Variants in DNAH2 observed in about 807,000 individuals in gnomAD.
DNAH2 encodes the protein dynein axonemal heavy chain 2.
A neutral mutation model predicts 523.5 loss-of-function variants in DNAH2; 323 were observed. The observed-to-expected ratio is 0.62, with a 90% CI of 0.56 to 0.68. The LOEUF (loss-of-function observed/expected upper bound fraction) is 0.68. Ranked by LOEUF, DNAH2 falls within the 30% of genes least tolerant of loss-of-function variation. The probability of loss-of-function intolerance (pLI) is 0.00; values close to 1 mark genes in which losing one functional copy is unlikely to be tolerated. For missense variants in DNAH2, 4,907 were observed against 5,701.5 expected, an observed-to-expected ratio of 0.86 and a Z score of 4.49; for synonymous variants, 2,093 against 2,177.4, an observed-to-expected ratio of 0.96 and a Z score of 1.08.
Position 7,831,165 on chromosome 17 carries a change from G to A in DNAH2, c.12310G>A (p.Gly4104Ser), listed in dbSNP as rs923267295. The A allele has an allele frequency of 8.1e-6, 13 of 1,614,024 alleles. No homozygotes were observed. Among genetic ancestry groups the A allele is most frequent in the Middle Eastern group, 1.6e-4 (1 of 6,084 alleles). ...CAAGGAATACATCAGCTTATTGCCT[G>A]GCATGGACCCCCCTGAGGCCTTTGG... ...SYKEYISLLP[G>S]MDPPEAFGQH... The change falls in exon 80 of 86, where the codon GGC becomes AGC. Residue 4104 changes from glycine to serine, a missense_variant. By Grantham distance (56) the Gly-to-Ser change is moderately conservative. Around this residue, in one of 3 missense-constraint regions of DNAH2, gnomAD observed 1,851 missense variants for 2,139.4 expected, o/e 0.87. Transcript: ENST00000572933. The surrounding 1 kb of genome is among the most constrained non-coding windows in gnomAD (Gnocchi z 4.2).
At position 7,780,454 on chromosome 17, in the gene DNAH2, G is replaced by A. The variant is rs182262808; in HGVS notation, c.5850+170G>A. ...TTTAGGGGAGGGAGGTGTCTCCTCC[G>A]TGATATCACTAACTGACAATGGCGT... On this transcript the variant is annotated intron_variant, in intron 37 of 85. Transcript: ENST00000572933. The surrounding 1 kb of genome is among the most constrained non-coding windows in gnomAD (Gnocchi z 4.4). 5.3e-5 allele frequency among the ~76,000 whole-genome samples: 8 copies of A among 152,336 alleles called. No homozygotes were observed. The highest frequency in any genetic ancestry group is 9.6e-5 in the African/African-American group (4 of 41,578).
rs1241950593 is a variant in DNAH2, at chr17:7,740,860, C to G, written c.1557C>G (p.Phe519Leu). The G allele has an allele frequency of 4.3e-6, 7 of 1,613,800 alleles. No individual in the cohort carries two copies. The highest frequency in any genetic ancestry group is 5.9e-6 in the Non-Finnish European group (7 of 1,179,838). Residue 519 changes from phenylalanine (F) to leucine (L), a missense_variant, in exon 11 of 86, where the codon TTC (phenylalanine) becomes TTG (leucine). Around this residue, in one of 3 missense-constraint regions of DNAH2, gnomAD observed 2,806 missense variants for 3,190.8 expected, o/e 0.88. Transcript: ENST00000572933. ...AGGCGGTGGATCTCTACATGCTGTT[C>G]AATAGCGAGCTGGCCCTGGTGAACC... ...DKKAVDLYML[F>L]NSELALVNRE...
At chr17:7,778,628 G>A (rs910607869) in intron 35 of DNAH2, among the ~76,000 whole-genome samples, 159 bp downstream of exon 35, 3 of 152,100 alleles carry the variant, frequency 2.0e-5, no homozygotes, top group African/African-American at 7.2e-5. Flanking sequence ...GAGTGCAGTG[G>A]CATGATCTCG....
At chr17:7,758,407 A>G (rs2075904305) in intron 13 of DNAH2, 88 bp from the exon 14 acceptor site, 1 of 1,480,030 alleles carries the variant, frequency 6.8e-7, no homozygotes, top group East Asian at 2.3e-5. Flanking sequence ...TGGTCTAGAA[A>G]TGTTCACATT....
At chr17:7,750,387 C>T (rs1341825924) in intron 12 of DNAH2, among the ~76,000 whole-genome samples, 1 of 152,196 alleles carries the variant, frequency 6.6e-6, no homozygotes, top group African/African-American at 2.4e-5. Flanking sequence ...GCAGTTACCC[C>T]GGGACTTCCC....
chr17:7,741,440 C>T (rs1456510590), intron 11 of DNAH2, among the ~76,000 whole-genome samples: 3 of 150,828 alleles, frequency 2.0e-5, no homozygotes, highest in Admixed American at 6.7e-5. Context: ...TCACTGCAAG[C>T]TCTGCCTCCC....
chr17:7,800,611 T>C (rs1243796716), intron 56 of DNAH2, among the ~76,000 whole-genome samples: 5 of 150,708 alleles, frequency 3.3e-5, no homozygotes. Context: ...TCATGCCTGT[T>C]ATCCCAGCAC....
Position 7,786,784 on chromosome 17 carries a change from G to A in DNAH2, c.6466+97G>A. 2.5e-6 allele frequency: 4 copies of A among 1,598,698 alleles called. No homozygotes were observed. The highest frequency in any genetic ancestry group is 3.4e-6 in the Non-Finnish European group (4 of 1,169,098). On this transcript the variant is annotated intron_variant, in intron 41 of 85. Transcript: ENST00000572933. The surrounding 1 kb of genome is among the most constrained non-coding windows in gnomAD (Gnocchi z 7.5). Reference sequence around the variant, plus strand: ...GGAAGTTCCAAGTTGGGAGAGAAATGCCTGGGGAATGCTGAAGTACAAGGG... The same window carrying A: ...GGAAGTTCCAAGTTGGGAGAGAAATACCTGGGGAATGCTGAAGTACAAGGG...
In DNAH2 at chr17:7,743,159, G is replaced by T. The variant is rs2151161022; in HGVS notation, c.1904+17G>T. ...CTTTGACAAGTACAGGAGCCACCTG[G>T]CCCCTTTTCCCTATACTCCCCTTCT... On this transcript the variant is annotated intron_variant, in intron 12 of 85. Transcript: ENST00000572933. 1 of 1,609,368 alleles carries T rather than the reference G, an allele frequency of 6.2e-7. No homozygotes were observed. The highest frequency in any genetic ancestry group is 8.5e-7 in the Non-Finnish European group (1 of 1,178,638).
Position 7,792,241 on chromosome 17 carries a change from G to A in DNAH2, c.7054-11G>A, listed in dbSNP as rs2076918103. 2 of 1,613,306 alleles carry A rather than the reference G, an allele frequency of 1.2e-6. No individual in the cohort carries two copies. Among genetic ancestry groups the A allele is most frequent in the South Asian group, 1.1e-5 (1 of 91,072 alleles). On this transcript the variant is annotated splice_polypyrimidine_tract_variant and intron_variant, in intron 45 of 85. Transcript: ENST00000572933. Reference sequence around the variant, plus strand: ...AAGGCTTTGGTAACCTGACCTACATGCCCTCCTTAGGACACGGTATATGAG... The same window carrying A: ...AAGGCTTTGGTAACCTGACCTACATACCCTCCTTAGGACACGGTATATGAG...
intron 11 of DNAH2, among the ~76,000 whole-genome samples, chr17:7,741,236 C>CTCTTTCTTTCTTTT (rs2075309827): frequency 1.2e-5 from 1 of 85,596 alleles, no homozygotes; most frequent in Non-Finnish European, 2.6e-5. Context: ...TTTTCTCTCT[C>CTCTTTCTTTCTTTT]TCTTTCTTTC....
intron 8 of DNAH2, chr17:7,738,223 G>A (rs2075199727): frequency 4.7e-6 from 3 of 640,024 alleles, no homozygotes; most frequent in South Asian, 3.5e-5. Context: ...TAGCCTCTTG[G>A]TTGTATTTTC....
chr17:7,833,051 C>T lies in DNAH2; in HGVS notation c.12979-20C>T. 2 of 1,613,318 alleles carry T rather than the reference C, an allele frequency of 1.2e-6. No individual in the cohort carries two copies. The highest frequency in any genetic ancestry group is 1.7e-6 in the Non-Finnish European group (2 of 1,180,000). On this transcript the variant is annotated intron_variant, in intron 84 of 85. Transcript: ENST00000572933. The stretch of plus-strand genomic sequence containing the variant: ...AATTGAAGTCTAGCTTCTCCCAGAC[C>T]TGCTCCCATTTCTCCCCAGGATGGT...
At chr17:7,772,097 C>T (rs895433322) in intron 28 of DNAH2, among the ~76,000 whole-genome samples, 20 of 152,098 alleles carry the variant, frequency 1.3e-4, no homozygotes, top group South Asian at 8.3e-4. Flanking sequence ...GATGAACACA[C>T]GGCAAGATGA....
At position 7,733,123 on chromosome 17, in the gene DNAH2, C is replaced by G. The variant is rs1358875585; in HGVS notation, c.436C>G (p.Pro146Ala). ...GCTTGTCTACTTCATTCGCCAAGCA[C>G]CAGTTCCCATCACCTGGGAGAACTT... Reference protein sequence around the residue: ...NQLVYFIRQAPVPITWENFEA... With the variant: ...NQLVYFIRQAAVPITWENFEA... The change falls in exon 5 of 86, where the codon CCA (proline) becomes GCA (alanine). Residue 146 changes from proline (P) to alanine (A), a missense_variant. Physicochemically the swap from Pro to Ala is conservative, Grantham distance 27. Transcript: ENST00000572933. 3 of 1,614,048 alleles carry G rather than the reference C, an allele frequency of 1.9e-6. No individual in the cohort carries two copies. The Admixed American group carries it at 5.0e-5, about 27-fold the overall frequency.
chr17:7,818,834 C>T, intron 70 of DNAH2, 58 bp downstream of exon 70: 1 of 1,610,490 alleles, frequency 6.2e-7, no homozygotes, highest in Non-Finnish European at 8.5e-7. Context: ...CCAGCCTCCA[C>T]CCAGTCTACC....
In DNAH2 at chr17:7,801,894, C is replaced by T; in HGVS notation, c.8849C>T (p.Ala2950Val). Residue 2950 changes from alanine (A) to valine (V), a missense_variant, in exon 58 of 86, where the codon GCC becomes GTC. Physicochemically the swap from Ala to Val is moderately conservative, Grantham distance 64 (BLOSUM62 0). Transcript: ENST00000572933. ...TGGCCTCAGATCCACAGGAAGGTGG[C>T]CCAGATCTTTGTCACTATGCACTGG... ...GTQENIHRKV[A>V]QIFVTMHWSV... is the part of the protein sequence containing the mutation. 1 of 1,614,206 alleles carries T rather than the reference C, an allele frequency of 6.2e-7. No individual in the cohort carries two copies. The highest frequency in any genetic ancestry group is 8.5e-7 in the Non-Finnish European group (1 of 1,180,044).
chr17:7,791,208 G>A (rs549205801), intron 44 of DNAH2, among the ~76,000 whole-genome samples: 1 of 151,864 alleles, frequency 6.6e-6, no homozygotes, highest in Admixed American at 6.6e-5. Context: ...TGAGTAGCTG[G>A]GATTAACAGG....
At position 7,819,282 on chromosome 17, in the gene DNAH2, T is replaced by G; in HGVS notation, c.10889T>G (p.Met3630Arg). ...VLNDMGCIDP[M>R]YQFSLDAYIS... is the part of the protein sequence containing the mutation. ...AATGATATGGGCTGCATCGACCCCATGTACCAGTTCTCACTGGATGCCTAC... is the reference window on the plus strand; with the variant it reads ...AATGATATGGGCTGCATCGACCCCAGGTACCAGTTCTCACTGGATGCCTAC... The change falls in exon 72 of 86, where the codon ATG becomes AGG. Residue 3630 changes from methionine to arginine, a missense_variant. Transcript: ENST00000572933. 6.2e-7 allele frequency: 1 copy of G among 1,614,202 alleles called. No homozygotes were observed. The highest frequency in any genetic ancestry group is 1.1e-5 in the South Asian group (1 of 91,090).
Sources: gnomAD v4.1 joint callset for allele counts (sites outside exome capture counted in the v4.1 genomes callset) on GRCh38, gnomAD v4.1.1 for gene constraint, gnomAD v4.1.1 regional missense constraint, Gnocchi (gnomAD v3.1) non-coding constraint, MANE v1.5 for transcripts, NCBI Gene and HGNC (gene_info 2026-07-23, HGNC 2026-07-21) for gene names.